CENPE: variants seen among roughly 807,000 people sequenced by gnomAD.
CENPE encodes the protein centromere-associated protein E.
CENPE carries 145 observed loss-of-function variants against 336.1 expected under a neutral mutation model. That is an observed-to-expected ratio of 0.43 (90% CI 0.38 to 0.50). CENPE has a LOEUF of 0.50. Ranked by LOEUF, CENPE falls within the 20% of genes least tolerant of loss-of-function variation. The probability of loss-of-function intolerance (pLI) is 0.00; values close to 1 mark genes in which losing one functional copy is unlikely to be tolerated. For missense variants in CENPE, 2,719 were observed against 3,023.3 expected, an observed-to-expected ratio of 0.90 and a Z score of 2.36; for synonymous variants, 1,013 against 984.8, an observed-to-expected ratio of 1.03 and a Z score of -0.54.
chr4:103,140,105 G>C, intron 37 of CENPE, 26 bp from the exon 38 acceptor site: 1 of 1,572,352 alleles, frequency 6.4e-7, no homozygotes, highest in South Asian at 1.2e-5. Flanking sequence ...AAACAAGTTA[G>C]AATGTAAGCA....
intron 16 of CENPE, among the ~76,000 whole-genome samples, chr4:103,163,837 T>C (rs1246646841): frequency 6.6e-6 from 1 of 151,930 alleles, no homozygotes; most frequent in Non-Finnish European, 1.5e-5. Flanking sequence ...GCTACAATAA[T>C]GTCAATAGCA....
chr4:103,136,912 G>A (rs941316388), intron 39 of CENPE, among the ~76,000 whole-genome samples: 5 of 152,112 alleles, frequency 3.3e-5, no homozygotes, highest in Non-Finnish European at 7.4e-5. Context: ...CTTCTTGACT[G>A]GGGAAGTCAC....
rs1748854484 is a variant in CENPE, at chr4:103,105,831, A to G, written c.*391T>C. The G allele has an allele frequency of 6.5e-6, 1 of 152,802 alleles. No individual in the cohort carries two copies. Among genetic ancestry groups the G allele is most frequent in the Admixed American group, 6.5e-5 (1 of 15,304 alleles). The allele number at this position is 152,802 out of a possible 1,614,324, so 9.5% of individuals were successfully genotyped here. ...GGTGATTCAGAACTACTAAACATTT[A>G]TTGAATGTGTAAGGTATTAAAAACA... On this transcript the variant is annotated 3_prime_UTR_variant, in exon 49 of 49. Coordinates refer to ENST00000265148, the MANE Select transcript of CENPE (RefSeq NM_001813.3).
intron 1 of CENPE, among the ~76,000 whole-genome samples, chr4:103,197,689 T>C (rs748797935): frequency 6.6e-6 from 1 of 152,228 alleles, no homozygotes; most frequent in Admixed American, 6.5e-5. Context: ...ACTTATTACC[T>C]ACATATCACC....
chr4:103,143,959 T>A (rs1752776882), intron 33 of CENPE, among the ~76,000 whole-genome samples: 1 of 152,042 alleles, frequency 6.6e-6, no homozygotes. Context: ...CTTTTTGAGA[T>A]GGAGTCTTGC....
intron 46 of CENPE, among the ~76,000 whole-genome samples, chr4:103,113,422 T>G (rs1270297668): frequency 7.0e-6 from 1 of 142,172 alleles, no homozygotes; most frequent in African/African-American, 2.6e-5. Context: ...CTATATATAC[T>G]TATATATTAC....
chr4:103,147,289 T>G (rs1753134769), intron 29 of CENPE, 67 bp downstream of exon 29: 2 of 1,337,482 alleles, frequency 1.5e-6, no homozygotes, highest in South Asian at 2.8e-5. Context: ...ATTATAACTA[T>G]AACACAAACA....
chr4:103,181,643 T>C (rs898100588), intron 11 of CENPE, 187 bp from the exon 12 acceptor site: 7 of 410,888 alleles, frequency 1.7e-5, no homozygotes, highest in African/African-American at 1.5e-4. Context: ...TCCTGGGTGA[T>C]AGTCTTCGGG....
Position 103,106,214 on chromosome 4 carries a change from A to G in CENPE, c.*8T>C. 1 of 1,538,640 alleles carries G rather than the reference A, an allele frequency of 6.5e-7. No individual in the cohort carries two copies. The highest frequency in any genetic ancestry group is 8.8e-7 in the Non-Finnish European group (1 of 1,135,128). On this transcript the variant is annotated 3_prime_UTR_variant, in exon 49 of 49. Transcript: ENST00000265148. The stretch of plus-strand genomic sequence containing the variant: ...TGCTGGATCTCCAGAGAAGTGACAA[A>G]GAGGAGTCTACTGAGTTTTGCACTC...
chr4:103,137,085 T>A (rs1182334592), intron 39 of CENPE, among the ~76,000 whole-genome samples: 2 of 152,200 alleles, frequency 1.3e-5, no homozygotes, highest in African/African-American at 4.8e-5. Context: ...CATGTTTCTA[T>A]ACCCAAGTTT....
intron 45 of CENPE, chr4:103,116,375 G>C: frequency 2.9e-6 from 1 of 348,684 alleles, no homozygotes; most frequent in Non-Finnish European, 5.2e-6. Context: ...TAATTGATCA[G>C]AATTGTGTTT....
intron 8 of CENPE, among the ~76,000 whole-genome samples, chr4:103,190,581 G>T (rs1757218688): frequency 6.6e-6 from 1 of 152,100 alleles, no homozygotes; most frequent in African/African-American, 2.4e-5. Context: ...GGGAAAACTG[G>T]CTAGCCATAT....
chr4:103,167,194 T>C (rs1261659079), intron 16 of CENPE, among the ~76,000 whole-genome samples: 2 of 152,188 alleles, frequency 1.3e-5, no homozygotes, highest in Non-Finnish European at 2.9e-5. Context: ...AGCATCCATA[T>C]ATAAAATAGT....
In CENPE at chr4:103,134,529, A is replaced by C. The variant is rs923875723; in HGVS notation, c.6523-637T>G. On this transcript the variant is annotated intron_variant, in intron 40 of 48. Coordinates refer to ENST00000265148, the MANE Select transcript of CENPE (RefSeq NM_001813.3). ...GGCGCCTGTAGTCCCAGCTACTTGG[A>C]GGCTGTGGCAGGAGAATGGCGTGAA... 6.1e-5 allele frequency among the ~76,000 whole-genome samples: 9 copies of C among 147,732 alleles called. No homozygotes were observed. The South Asian group carries it at 6.6e-4, about 11-fold the overall frequency.
intron 3 of CENPE, 24 bp from the exon 4 acceptor site, chr4:103,196,062 C>A (rs76762451): frequency 1.3e-5 from 20 of 1,595,270 alleles, no homozygotes; most frequent in South Asian, 2.2e-5. Context: ...AACACACATA[C>A]GCAAAGATTA....
intron 28 of CENPE, among the ~76,000 whole-genome samples, chr4:103,148,159 T>C (rs946285139): frequency 1.3e-5 from 2 of 152,218 alleles, no homozygotes; most frequent in Non-Finnish European, 2.9e-5. Flanking sequence ...CATTCTGTCA[T>C]ACTTTTCTTT....
chr4:103,166,147 T>C (rs1246722989), intron 16 of CENPE, among the ~76,000 whole-genome samples: 2 of 152,176 alleles, frequency 1.3e-5, no homozygotes, highest in Admixed American at 1.3e-4. Context: ...TTATCACATA[T>C]AAAAAACATA....
chr4:103,163,199 GCTT>G lies in CENPE; in HGVS notation c.1777_1779del (p.Lys593del), dbSNP rs765557709. 5.4e-5 allele frequency: 87 copies of G among 1,608,182 alleles called. No homozygotes were observed. Among genetic ancestry groups the G allele is most frequent in the Non-Finnish European group, 7.1e-5 (83 of 1,175,734 alleles). On this transcript the variant is annotated inframe_deletion, in exon 18 of 49. Transcript: ENST00000265148. ...TTTTGAGAGTCTATGTATTCCTGTA[GCTT>G]CTTAATCTGGTCTTCCTTTTCTCTA...
At chr4:103,143,192 A>T in intron 34 of CENPE, 56 bp downstream of exon 34, 1 of 1,266,782 alleles carries the variant, frequency 7.9e-7, no homozygotes, top group Non-Finnish European at 1.1e-6. Flanking sequence ...TTGTTTCATT[A>T]CACAAAAAGT....
Sources: gnomAD v4.1 joint callset for allele counts (sites outside exome capture counted in the v4.1 genomes callset) on GRCh38, gnomAD v4.1.1 for gene constraint, MANE v1.5 for transcripts, NCBI Gene and HGNC (gene_info 2026-07-23, HGNC 2026-07-21) for gene names.